Variants in DNAH1 observed in about 807,000 individuals in gnomAD.
The protein encoded by DNAH1 is dynein axonemal heavy chain 1, also known as axonemal beta dynein heavy chain 1.
Under a neutral mutation model 484.3 loss-of-function variants are expected in DNAH1, and 327 were observed. That is an observed-to-expected ratio of 0.68 (90% CI 0.62 to 0.74). DNAH1 has a LOEUF of 0.74. DNAH1 is among the 30% of genes least tolerant of loss of function. DNAH1 has a pLI of 0.00. For synonymous variants in DNAH1, 2,192 were observed against 2,191.9 expected, an observed-to-expected ratio of 1.00 and a Z score of 0.00; for missense variants, 5,052 against 5,546.8, an observed-to-expected ratio of 0.91 and a Z score of 2.83.
rs567842039 is a variant in DNAH1 at position 52,377,826 on chromosome 3, G to A, written c.7199-776G>A. 4.6e-5 allele frequency among the ~76,000 whole-genome samples: 7 copies of A among 151,248 alleles called. No individual in the cohort carries two copies. The South Asian group carries it at 1.3e-3, about 27-fold the overall frequency. On this transcript the variant is annotated intron_variant, in intron 46 of 77. Transcript: ENST00000420323. Reference sequence around the variant, plus strand: ...CCCAAGCCCAACTCTGGCCCTCCCCGGACCCCTCTCCTGCTGCAGGGCTGC... The same window carrying A: ...CCCAAGCCCAACTCTGGCCCTCCCCAGACCCCTCTCCTGCTGCAGGGCTGC...
Position 52,353,219 on chromosome 3 carries a change from C to T in DNAH1, c.3144C>T (p.Ile1048=), listed in dbSNP as rs886609213. The change falls in exon 19 of 78, where the codon ATC becomes ATT. Residue 1048 remains isoleucine (I), a synonymous_variant. Coordinates refer to ENST00000420323, the MANE Select transcript of DNAH1 (RefSeq NM_015512.5). The surrounding 1 kb of genome is among the most constrained non-coding windows in gnomAD (Gnocchi z 5.0). Reference sequence around the variant, plus strand: ...GGATGAATGACCCCCTCTCTGCCATCGATGCTGAGCAGCTGGAGAAGAACG... The same window carrying T: ...GGATGAATGACCCCCTCTCTGCCATTGATGCTGAGCAGCTGGAGAAGAACG... ...ESWMNDPLSA[I]DAEQLEKNVV... 8 of 1,613,860 alleles carry T rather than the reference C, an allele frequency of 5.0e-6. No homozygotes were observed. The highest frequency in any genetic ancestry group is 2.2e-5 in the South Asian group (2 of 91,094).
rs573005609 is a variant in DNAH1 at position 52,358,640 on chromosome 3, C to T, written c.4169C>T (p.Pro1390Leu). 6.2e-7 allele frequency: 1 copy of T among 1,613,306 alleles called. No individual in the cohort carries two copies. The highest frequency in any genetic ancestry group is 1.1e-5 in the South Asian group (1 of 91,070). The part of the protein sequence containing the change: ...EEVQLCFSIY[P>L]SSNVEDWLRE... ...GTACAGTTGTGCTTCTCCATCTACC[C>T]CTCCAGCAACGTGGAGGACTGGCTG... Residue 1390 changes from proline to leucine, a missense_variant, in exon 25 of 78, where the codon CCC becomes CTC. Physicochemically the swap from Pro to Leu is moderately conservative, Grantham distance 98. Transcript: ENST00000420323. This position sits in a 1 kb window ranked among gnomAD's most constrained non-coding sequence, Gnocchi z 4.2.
At chr3:52,322,847 T>A in intron 2 of DNAH1, 72 bp downstream of exon 2, 1 of 1,313,684 alleles carries the variant, frequency 7.6e-7, no homozygotes, top group Non-Finnish European at 1.1e-6. Flanking sequence ...CCTTTCATCC[T>A]TCTCCCCATC....
chr3:52,320,017 C>T (rs887514996), intron 1 of DNAH1, among the ~76,000 whole-genome samples: 25 of 152,212 alleles, frequency 1.6e-4, no homozygotes, highest in African/African-American at 5.1e-4. Context: ...CTCCGAAGAT[C>T]CTTATAACTC....
At chr3:52,397,149 T>C in intron 73 of DNAH1, 105 bp downstream of exon 73, 2 of 1,049,152 alleles carry the variant, frequency 1.9e-6, no homozygotes, top group Non-Finnish European at 2.7e-6. Flanking sequence ...GCCCCCACCC[T>C]CCATCAGCTG....
At chr3:52,369,438 C>A (rs1401263663) in intron 37 of DNAH1, among the ~76,000 whole-genome samples, 1 of 152,152 alleles carries the variant, frequency 6.6e-6, no homozygotes, top group African/African-American at 2.4e-5. Flanking sequence ...ACACTGAGTC[C>A]AGCTCTTGAA....
At position 52,373,541 on chromosome 3, in the gene DNAH1, T is replaced by C. The variant is rs904377337; in HGVS notation, c.6985+488T>C. 3 of 1,475,538 alleles carry C rather than the reference T, an allele frequency of 2.0e-6. No homozygotes were observed. In the African/African-American group the frequency reaches 4.2e-5, roughly 21 times the overall value. 91.4% of individuals were successfully genotyped at this position (1,475,538 alleles called of 1,614,324 possible). On this transcript the variant is annotated intron_variant, in intron 44 of 77. Transcript: ENST00000420323. ...TTGCTGTCCCGTCTACAGTGTCTGC[T>C]AAAATAAAAGTACCCGTCTCTCAGC...
intron 37 of DNAH1, among the ~76,000 whole-genome samples, chr3:52,369,420 A>G (rs772316032): frequency 5.3e-5 from 8 of 152,080 alleles, no homozygotes; most frequent in Non-Finnish European, 1.0e-4. Flanking sequence ...AGAGCATCTC[A>G]GGGGTCTACA....
intron 76 of DNAH1, 109 bp downstream of exon 76, chr3:52,399,310 C>T: frequency 8.3e-7 from 1 of 1,209,874 alleles, no homozygotes; most frequent in Non-Finnish European, 1.2e-6. Flanking sequence ...TAAGCCAGGG[C>T]ATGGAAAGAC....
chr3:52,364,380 A>G lies in DNAH1; in HGVS notation c.5245-258A>G, dbSNP rs1702982706. On this transcript the variant is annotated intron_variant, in intron 32 of 77. Coordinates refer to ENST00000420323, the MANE Select transcript of DNAH1 (RefSeq NM_015512.5). The surrounding 1 kb of genome is among the most constrained non-coding windows in gnomAD (Gnocchi z 4.2). ...CTCCTGCCCCTGGCCATGTGCTGGG[A>G]CAGTGACCAAAGGATGCAGAATGGG... 6.6e-6 allele frequency among the ~76,000 whole-genome samples: 1 copy of G among 152,208 alleles called. No homozygotes were observed. The highest frequency in any genetic ancestry group is 1.5e-5 in the Non-Finnish European group (1 of 68,036).
intron 8 of DNAH1, among the ~76,000 whole-genome samples, chr3:52,336,098 G>T (rs1701735067): frequency 6.6e-6 from 1 of 152,076 alleles, no homozygotes; most frequent in South Asian, 2.1e-4. Context: ...TTCTTTTGCT[G>T]TGCAAAAGCT....
intron 8 of DNAH1, among the ~76,000 whole-genome samples, chr3:52,334,546 T>TG (rs1159374812): frequency 1.3e-5 from 2 of 152,144 alleles, no homozygotes; most frequent in Non-Finnish European, 2.9e-5. Flanking sequence ...CCCAGCACTT[T>TG]GGGGGGCCAA....
In DNAH1 at chr3:52,381,572, TG is replaced by T; in HGVS notation, c.7609-62del. The T allele has an allele frequency of 1.4e-6, 2 of 1,419,350 alleles. No individual in the cohort carries two copies. Among genetic ancestry groups the T allele is most frequent in the Non-Finnish European group, 9.5e-7 (1 of 1,050,976 alleles). The allele number at this position is 1,419,350 out of a possible 1,614,324, so 87.9% of individuals were successfully genotyped here. A position where few individuals can be genotyped will look rare whatever the true frequency, so the allele number is the denominator to read the frequency against. On this transcript the variant is annotated intron_variant, in intron 48 of 77. Coordinates refer to ENST00000420323, the MANE Select transcript of DNAH1 (RefSeq NM_015512.5). The surrounding 1 kb of genome is among the most constrained non-coding windows in gnomAD (Gnocchi z 4.1). The stretch of plus-strand genomic sequence containing the variant: ...CAGGACAGAGAAGAAAGCGGGTGGG[TG>T]GGGGGAATCGGGGAGACCCTACAGT...
chr3:52,315,919 C>T (rs575945571), upstream of DNAH1, among the ~76,000 whole-genome samples: 6 of 152,332 alleles, frequency 3.9e-5, no homozygotes, highest in East Asian at 5.8e-4. Context: ...ATCCACAGCC[C>T]GCCCTTGAAG....
At position 52,364,929 on chromosome 3, in the gene DNAH1, C is replaced by T. The variant is rs776970930; in HGVS notation, c.5428C>T (p.Pro1810Ser). The T allele has an allele frequency of 1.2e-6, 2 of 1,613,984 alleles. No homozygotes were observed. The highest frequency in any genetic ancestry group is 2.2e-5 in the South Asian group (2 of 91,078). The stretch of plus-strand genomic sequence containing the variant: ...CTCTGGCATCGTGTCCGACCTGTTT[C>T]CCACCATCAAGGAGGAGGACACGGA... Reference protein sequence around the residue: ...LFSGIVSDLFPTIKEEDTDYG... With the variant: ...LFSGIVSDLFSTIKEEDTDYG... The change falls in exon 34 of 78, where the codon CCC (proline) becomes TCC (serine). Residue 1810 changes from proline to serine, a missense_variant. This residue lies in a region of DNAH1 where 2,929 missense variants were observed against 3,409.4 expected (regional missense o/e 0.86). Coordinates refer to ENST00000420323, the MANE Select transcript of DNAH1 (RefSeq NM_015512.5). This position sits in a 1 kb window ranked among gnomAD's most constrained non-coding sequence, Gnocchi z 4.2.
At chr3:52,329,861 T>C (rs1164678234) in intron 6 of DNAH1, among the ~76,000 whole-genome samples, 2 of 148,920 alleles carry the variant, frequency 1.3e-5, no homozygotes, top group Non-Finnish European at 3.0e-5. Context: ...AAAACAAAAA[T>C]AAACAGTTTT....
In DNAH1 at chr3:52,354,918, A is replaced by G. The variant is rs747400552; in HGVS notation, c.3556A>G (p.Ile1186Val). The G allele has an allele frequency of 6.8e-6, 11 of 1,614,000 alleles. No individual in the cohort carries two copies. In the South Asian group the frequency reaches 1.2e-4, roughly 18 times the overall value. The change falls in exon 21 of 78, where the codon ATC (isoleucine) becomes GTC (valine). Residue 1186 changes from isoleucine (I) to valine (V), a missense_variant. Around this residue, in one of 4 missense-constraint regions of DNAH1, gnomAD observed 2,929 missense variants for 3,409.4 expected, o/e 0.86. Transcript: ENST00000420323. Reference protein sequence around the residue: ...VLPYKATDTYILKSPDEASQL... With the variant: ...VLPYKATDTYVLKSPDEASQL... ...GCCCTACAAGGCGACAGACACCTAC[A>G]TCCTGAAGAGCCCGGACGAGGCCTC... is the stretch of plus-strand genomic sequence containing the variant.
chr3:52,358,849 G>C lies in DNAH1; in HGVS notation c.4266+112G>C. 7.7e-7 allele frequency: 1 copy of C among 1,300,450 alleles called. No homozygotes were observed. Among genetic ancestry groups the C allele is most frequent in the Non-Finnish European group, 1.1e-6 (1 of 940,392 alleles). The allele number at this position is 1,300,450 out of a possible 1,614,324, so 80.6% of individuals were successfully genotyped here. A position where few individuals can be genotyped will look rare whatever the true frequency, so the allele number is the denominator to read the frequency against. On this transcript the variant is annotated intron_variant, in intron 25 of 77. Coordinates refer to ENST00000420323, the MANE Select transcript of DNAH1 (RefSeq NM_015512.5). The surrounding 1 kb of genome is among the most constrained non-coding windows in gnomAD (Gnocchi z 4.2). ...CTCAGGCTGCAGCCCTGAGGTCCCT[G>C]GGGGCTCAGGCGGGATTCTGGAGTC...
At chr3:52,375,134 G>A in intron 44 of DNAH1, 106 bp from the exon 45 acceptor site, 1 of 1,279,862 alleles carries the variant, frequency 7.8e-7, no homozygotes, top group Non-Finnish European at 1.1e-6. Flanking sequence ...CTTTATTCCA[G>A]TACTGTTCTA....
Sources: gnomAD v4.1 joint callset for allele counts (sites outside exome capture counted in the v4.1 genomes callset) on GRCh38, gnomAD v4.1.1 for gene constraint, gnomAD v4.1.1 regional missense constraint, Gnocchi (gnomAD v3.1) non-coding constraint, MANE v1.5 for transcripts, NCBI Gene and HGNC (gene_info 2026-07-23, HGNC 2026-07-21) for gene names.